The following GGCX variants were observed in gnomAD, a reference collection of about 807,000 sequenced individuals.
GGCX encodes vitamin K-dependent gamma-carboxylase.
GGCX carries 63 observed loss-of-function variants against 88.5 expected under a neutral mutation model. The ratio of observed to expected loss-of-function variants is 0.71; its 90% CI spans 0.58 to 0.88. The LOEUF is 0.88. Among genes scored for constraint, GGCX ranks in the 40% least tolerant of loss-of-function variants. The pLI is 0.00. For synonymous variants in GGCX, 368 were observed against 365.8 expected, an observed-to-expected ratio of 1.01 and a Z score of -0.07; for missense variants, 805 against 932.9, an observed-to-expected ratio of 0.86 and a Z score of 1.79.
intron 2 of GGCX, 111 bp downstream of exon 2, chr2:85,560,704 C>T (rs1692404204): frequency 1.1e-6 from 1 of 870,612 alleles, no homozygotes; most frequent in Admixed American, 1.7e-5. Context: ...TCTTTTATAC[C>T]AATGTCTTCA....
intron 2 of GGCX, 55 bp from the exon 3 acceptor site, chr2:85,559,130 A>G: frequency 1.4e-6 from 2 of 1,429,930 alleles, no homozygotes; most frequent in Non-Finnish European, 2.0e-6. Flanking sequence ...AAGCAGTAGA[A>G]TACAGTGGAA....
At position 85,552,419 on chromosome 2, in the gene GGCX, TG is replaced by T; in HGVS notation, c.1435del (p.Gln479ArgfsTer28). On this transcript the variant is annotated frameshift_variant, in exon 10 of 15. Transcript: ENST00000233838. LOFTEE classifies it high-confidence loss of function. The part of the protein sequence containing the change: ...IWVSINDRFQ[Q>X]RIFDPRVDIV... ...ACTCTCTGCTCCCCTTGCCCACCTC[TG>T]CTGGAAGCGGTCATTGATGGAGACC... The T allele has an allele frequency of 6.2e-7, 1 of 1,614,006 alleles. No homozygotes were observed.
chr2:85,556,340 T>C (rs1187437359), intron 4 of GGCX, 80 bp from the exon 5 acceptor site: 15 of 859,614 alleles, frequency 1.7e-5, no homozygotes, highest in Admixed American at 1.5e-4. Context: ...TACACGATAA[T>C]CCTATCTATC....
intron 3 of GGCX, 109 bp downstream of exon 3, chr2:85,558,808 G>A: frequency 9.7e-7 from 1 of 1,034,298 alleles, no homozygotes; most frequent in Admixed American, 1.8e-5. Flanking sequence ...GCATGAAATT[G>A]ATCACAGCAG....
chr2:85,549,887 G>A lies in GGCX; in HGVS notation c.*47C>T. On this transcript the variant is annotated 3_prime_UTR_variant, in exon 15 of 15. Transcript: ENST00000233838. The stretch of plus-strand genomic sequence containing the variant: ...AATAAATGTCCATTGCATAGAATGG[G>A]TCTGTGACTGGCTGCTTCTACATCT... 1 of 1,318,378 alleles carries A rather than the reference G, an allele frequency of 7.6e-7. No homozygotes were observed. The highest frequency in any genetic ancestry group is 2.3e-5 in the East Asian group (1 of 43,352). 81.7% of individuals were successfully genotyped at this position (1,318,378 alleles called of 1,614,324 possible).
chr2:85,560,852 C>T lies in GGCX; in HGVS notation c.177G>A (p.Thr59=). Residue 59 remains threonine, a synonymous_variant, in exon 2 of 15, where the codon ACG becomes ACA. Coordinates refer to ENST00000233838, the MANE Select transcript of GGCX (RefSeq NM_000821.7). ...RRLVTLLNRP[T]DPASLAVFRF... ...GAAAGACAGCTAAGCTTGCAGGGTCCGTTGGTCGATTCAGCAGGGTCACCA... is the reference window on the plus strand; with the variant it reads ...GAAAGACAGCTAAGCTTGCAGGGTCTGTTGGTCGATTCAGCAGGGTCACCA... 6.2e-7 allele frequency: 1 copy of T among 1,614,110 alleles called. No homozygotes were observed. Among genetic ancestry groups the T allele is most frequent in the South Asian group, 1.1e-5 (1 of 91,078 alleles).
Position 85,559,017 on chromosome 2 carries a change from T to C in GGCX, c.273A>G (p.Lys91=), listed in dbSNP as rs766340551. The part of the protein sequence containing the change: ...QERGLSSLDR[K]YLDGLDVCRF... ...GGCACACATCCAGCCCATCAAGGTA[T>C]TTCCGGTCCAGAGAGCTGAGCCCCC... The change falls in exon 3 of 15, where the codon AAA becomes AAG. Residue 91 remains lysine (K), a synonymous_variant. Coordinates refer to ENST00000233838, the MANE Select transcript of GGCX (RefSeq NM_000821.7). 1.2e-6 allele frequency: 2 copies of C among 1,613,944 alleles called. No homozygotes were observed. Among genetic ancestry groups the C allele is most frequent in the African/African-American group, 2.7e-5 (2 of 74,914 alleles).
Position 85,561,369 on chromosome 2 carries a change from C to T in GGCX, c.43+17G>A, listed in dbSNP as rs1367793513. The stretch of plus-strand genomic sequence containing the variant: ...CTCCTAGGAACTCTCCGCCGGAGGG[C>T]GGGGTCCTAAGCCTACCTGAGCTGG... On this transcript the variant is annotated intron_variant, in intron 1 of 14. Coordinates refer to ENST00000233838, the MANE Select transcript of GGCX (RefSeq NM_000821.7). 5 of 1,505,106 alleles carry T rather than the reference C, an allele frequency of 3.3e-6. No individual in the cohort carries two copies. The highest frequency in any genetic ancestry group is 1.9e-4 in the Middle Eastern group (1 of 5,386). The allele number at this position is 1,505,106 out of a possible 1,614,324, so 93.2% of individuals were successfully genotyped here.
intron 3 of GGCX, 109 bp from the exon 4 acceptor site, chr2:85,558,714 A>G: frequency 1.1e-6 from 1 of 946,718 alleles, no homozygotes; most frequent in Non-Finnish European, 1.7e-6. Context: ...GTATAATCAC[A>G]TAAAACTAAA....
At chr2:85,553,532 G>C in intron 7 of GGCX, 35 bp from the exon 8 acceptor site, 2 of 1,609,696 alleles carry the variant, frequency 1.2e-6, no homozygotes, top group Non-Finnish European at 1.7e-6. Context: ...TATTTCAGGA[G>C]TTTGGCTGGG....
chr2:85,556,617 C>T (rs1032919799), intron 4 of GGCX, among the ~76,000 whole-genome samples: 7 of 151,900 alleles, frequency 4.6e-5, no homozygotes, highest in African/African-American at 9.7e-5. Flanking sequence ...AATAAATATG[C>T]GGTGTATTAT....
chr2:85,558,456 C>A lies in GGCX; in HGVS notation c.523G>T (p.Asp175Tyr). 5.0e-6 allele frequency: 8 copies of A among 1,614,018 alleles called. No individual in the cohort carries two copies. The highest frequency in any genetic ancestry group is 6.8e-6 in the Non-Finnish European group (8 of 1,179,882). The change falls in exon 4 of 15, where the codon GAT (aspartate) becomes TAT (tyrosine). Residue 175 changes from aspartate to tyrosine, a missense_variant. Transcript: ENST00000233838. ...GLLAFQLTFM[D>Y]ANHYWSVDGL... ...GACTCATACCAGTAGTGGTTTGCAT[C>A]CATGAATGTTAGCTGAAAGGCCAAC... is the stretch of plus-strand genomic sequence containing the variant.
intron 2 of GGCX, among the ~76,000 whole-genome samples, chr2:85,560,474 G>A (rs904444426): frequency 6.6e-6 from 1 of 151,838 alleles, no homozygotes; most frequent in African/African-American, 2.4e-5. Flanking sequence ...GTGGTGGTGG[G>A]CGCCTGTAAT....
Position 85,545,170 on chromosome 2 carries a change from TAAGC to T in GGCX, c.*4760_*4763del, listed in dbSNP as rs1691596449. 1 of 152,636 alleles carries T rather than the reference TAAGC, an allele frequency of 6.6e-6. No homozygotes were observed. Among genetic ancestry groups the T allele is most frequent in the Non-Finnish European group, 1.5e-5 (1 of 68,030 alleles). The allele number at this position is 152,636 out of a possible 1,614,324, so 9.5% of individuals were successfully genotyped here. A position where few individuals can be genotyped will look rare whatever the true frequency, so the allele number is the denominator to read the frequency against. On this transcript the variant is annotated 3_prime_UTR_variant, in exon 15 of 15. Coordinates refer to ENST00000233838, the MANE Select transcript of GGCX (RefSeq NM_000821.7). ...ATGCTTATTCCATGACTGCTTGCCC[TAAGC>T]AGAAAGTGCCTTTCAGGATCTATTT...
rs1369199015 is a variant in GGCX at position 85,544,746 on chromosome 2, A to T, written c.*5188T>A. The T allele has an allele frequency of 6.6e-6, 1 of 152,586 alleles. No individual in the cohort carries two copies. The highest frequency in any genetic ancestry group is 2.4e-5 in the African/African-American group (1 of 41,426). The allele number at this position is 152,586 out of a possible 1,614,324, so 9.5% of individuals were successfully genotyped here. On this transcript the variant is annotated 3_prime_UTR_variant, in exon 15 of 15. Transcript: ENST00000233838. ...GGTTTTAACTTTGTTTTATTTTCAA[A>T]ACCAGGTCCAATGAGCTTTCTGAAC...
In GGCX at chr2:85,552,518, T is replaced by G. The variant is rs781527362; in HGVS notation, c.1337A>C (p.Gln446Pro). Reference sequence around the variant, plus strand: ...CAGGCGGCTCAGGCAAGTGGCATATTGCTTCAGCATGTCTGCATGATCCTT... The same window carrying G: ...CAGGCGGCTCAGGCAAGTGGCATATGGCTTCAGCATGTCTGCATGATCCTT... ...RWKDHADMLKQYATCLSRLLP... is the reference protein window; with the variant it reads ...RWKDHADMLKPYATCLSRLLP... The change falls in exon 10 of 15, where the codon CAA becomes CCA. Residue 446 changes from glutamine (Q) to proline (P), a missense_variant. By Grantham distance (76) the Gln-to-Pro change is moderately conservative (BLOSUM62 -1). This residue lies in a region of GGCX where 680 missense variants were observed against 763.7 expected (regional missense o/e 0.89). Coordinates refer to ENST00000233838, the MANE Select transcript of GGCX (RefSeq NM_000821.7). The G allele has an allele frequency of 2.5e-6, 4 of 1,613,988 alleles. No individual in the cohort carries two copies. The South Asian group carries it at 4.4e-5, about 18-fold the overall frequency.
chr2:85,549,325 C>T lies in GGCX; in HGVS notation c.*609G>A, dbSNP rs922417113. On this transcript the variant is annotated 3_prime_UTR_variant, in exon 15 of 15. Coordinates refer to ENST00000233838, the MANE Select transcript of GGCX (RefSeq NM_000821.7). ...ATAGCAAACACTTGGGAACAGTTAG[C>T]TATTCATCGTGGTACATTAAATTGC... 6.3e-6 allele frequency: 1 copy of T among 158,352 alleles called. No individual in the cohort carries two copies. Among genetic ancestry groups the T allele is most frequent in the African/African-American group, 2.4e-5 (1 of 41,416 alleles). The allele number at this position is 158,352 out of a possible 1,614,324, so 9.8% of individuals were successfully genotyped here.
At position 85,551,009 on chromosome 2, in the gene GGCX, C is replaced by T. The variant is rs113962887; in HGVS notation, c.1804G>A (p.Val602Ile). The change falls in exon 13 of 15, where the codon GTC becomes ATC. Residue 602 changes from valine (V) to isoleucine (I), a missense_variant. By Grantham distance (29) the Val-to-Ile change is conservative. This residue lies in a region of GGCX where 680 missense variants were observed against 763.7 expected (regional missense o/e 0.89). Coordinates refer to ENST00000233838, the MANE Select transcript of GGCX (RefSeq NM_000821.7). ...TSPSPSCYMY[V>I]YVNTTELALE... ...GCAAGCTCTGTAGTGTTGACATAGA[C>T]GTACATGTAGCAAGAAGGGCTAGGT... is the stretch of plus-strand genomic sequence containing the variant. 24 of 1,613,384 alleles carry T rather than the reference C, an allele frequency of 1.5e-5. No individual in the cohort carries two copies. In the African/African-American group the frequency reaches 1.7e-4, roughly 12 times the overall value.
intron 7 of GGCX, 86 bp downstream of exon 7, chr2:85,554,057 C>G (rs1374214758): frequency 9.4e-7 from 1 of 1,065,540 alleles, no homozygotes; most frequent in Non-Finnish European, 1.5e-6. Flanking sequence ...CTCACACCAC[C>G]CTCTCCCACT....
Sources: allele counts gnomAD v4.1 joint callset (sites outside exome capture counted in the v4.1 genomes callset), GRCh38; gene constraint gnomAD v4.1.1; regional missense constraint gnomAD v4.1.1; transcripts MANE v1.5; gene names NCBI Gene and HGNC (gene_info 2026-07-23, HGNC 2026-07-21).